The following IFNLR1 variants were observed in gnomAD, a reference collection of about 807,000 sequenced individuals.
IFNLR1 encodes interferon lambda receptor 1.
Under a neutral mutation model 52.5 loss-of-function variants are expected in IFNLR1, and 28 were observed. That is an observed-to-expected ratio of 0.53 (90% CI 0.40 to 0.73). IFNLR1 has a LOEUF of 0.73. Ranked by LOEUF, IFNLR1 falls within the 30% of genes least tolerant of loss-of-function variation. IFNLR1 has a pLI of 0.00. For missense variants in IFNLR1, 623 were observed against 659.1 expected (o/e 0.95, Z 0.60); for synonymous variants, 276 against 274.9 (o/e 1.00, Z -0.04).
At chr1:24,172,845 C>G (rs1423519624) in intron 2 of IFNLR1, among the ~76,000 whole-genome samples, 1 of 152,174 alleles carries the variant, frequency 6.6e-6, no homozygotes, top group African/African-American at 2.4e-5. Context: ...AGGCCTCTCT[C>G]CTTGGCTTGC....
intron 2 of IFNLR1, 55 bp downstream of exon 2, chr1:24,180,676 G>GCCCCCCCCCCC: frequency 1.3e-5 from 6 of 455,866 alleles, no homozygotes; most frequent in South Asian, 3.6e-5. Flanking sequence ...AGCCCCTCCA[G>GCCCCCCCCCCC]CCCCCACCCA....
At chr1:24,159,745 T>G (rs1343684551) in intron 4 of IFNLR1, 112 bp from the exon 5 acceptor site, 12 of 949,180 alleles carry the variant, frequency 1.3e-5, no homozygotes, top group African/African-American at 1.7e-5. Flanking sequence ...TTGTTTTTTT[T>G]TTTTGTTTTT....
At chr1:24,186,069 G>A (rs979966933) in intron 1 of IFNLR1, among the ~76,000 whole-genome samples, 4 of 152,172 alleles carry the variant, frequency 2.6e-5, no homozygotes, top group Non-Finnish European at 5.9e-5. Flanking sequence ...TCAGGTGAAA[G>A]TACAAGAAGG....
chr1:24,178,055 G>T (rs904202156), intron 2 of IFNLR1, among the ~76,000 whole-genome samples: 1 of 152,116 alleles, frequency 6.6e-6, no homozygotes, highest in Admixed American at 6.5e-5. Flanking sequence ...GAGGCCGAGG[G>T]GGGCAGATCA....
At position 24,180,713 on chromosome 1, in the gene IFNLR1, C is replaced by T. The variant is rs962042880; in HGVS notation, c.182+18G>A. 1.8e-5 allele frequency: 29 copies of T among 1,602,518 alleles called. No individual in the cohort carries two copies. Among genetic ancestry groups the T allele is most frequent in the South Asian group, 8.9e-5 (8 of 89,756 alleles). On this transcript the variant is annotated intron_variant, in intron 2 of 6. Transcript: ENST00000327535. ...CCCCTCAGTCTTCCCATCCACCAGC[C>T]GAGAGAGTCCCCTCTACCTCTGATA...
intron 3 of IFNLR1, among the ~76,000 whole-genome samples, chr1:24,162,271 G>A (rs368438274): frequency 1.3e-5 from 2 of 152,142 alleles, no homozygotes; most frequent in South Asian, 4.1e-4. Flanking sequence ...GAGCCTCTCA[G>A]CTCCGGAAGG....
chr1:24,187,091 C>T, intron 1 of IFNLR1, 100 bp downstream of exon 1: 2 of 738,046 alleles, frequency 2.7e-6, no homozygotes, highest in South Asian at 2.8e-5. Context: ...CGGGTGGCTG[C>T]GGACCCCGTG....
chr1:24,184,741 G>A (rs973560332), intron 1 of IFNLR1, among the ~76,000 whole-genome samples: 16 of 152,174 alleles, frequency 1.1e-4, no homozygotes, highest in South Asian at 4.2e-4. Context: ...AGCTAAGGCC[G>A]GGCATGGTAA....
Position 24,187,173 on chromosome 1 carries a change from G to A in IFNLR1, c.58+18C>T. 1 of 1,358,172 alleles carries A rather than the reference G, an allele frequency of 7.4e-7. No homozygotes were observed. Among genetic ancestry groups the A allele is most frequent in the Non-Finnish European group, 9.5e-7 (1 of 1,050,566 alleles). 84.1% of individuals were successfully genotyped at this position (1,358,172 alleles called of 1,614,324 possible). ...GGGAGCCCTCTTCCCCCTCCCTCCC[G>A]CGGCCCCGCGCCCTTACCTGGAGCG... is the stretch of plus-strand genomic sequence containing the variant. On this transcript the variant is annotated intron_variant, in intron 1 of 6. Coordinates refer to ENST00000327535, the MANE Select transcript of IFNLR1 (RefSeq NM_170743.4).
Position 24,157,726 on chromosome 1 carries a change from C to A in IFNLR1, c.967G>T (p.Ala323Ser), listed in dbSNP as rs1334526685. 1 of 1,614,198 alleles carries A rather than the reference C, an allele frequency of 6.2e-7. No individual in the cohort carries two copies. Among genetic ancestry groups the A allele is most frequent in the African/African-American group, 1.3e-5 (1 of 75,068 alleles). ...TQQTRWKKDL[A>S]EDEEEEDEED... ...TCATCCTCCTCCTCTTCGTCCTCTG[C>A]AAGGTCCTTCTTCCATCTTGTCTGT... The change falls in exon 7 of 7, where the codon GCA (alanine) becomes TCA (serine). Residue 323 changes from alanine (A) to serine (S), a missense_variant. Ala to Ser is a moderately conservative substitution (Grantham distance 99). Transcript: ENST00000327535. The surrounding 1 kb of genome is among the most constrained non-coding windows in gnomAD (Gnocchi z 5.1).
intron 2 of IFNLR1, among the ~76,000 whole-genome samples, chr1:24,177,564 C>G (rs72650415): frequency 0.097 from 14,793 of 152,228 alleles, 2,001 homozygotes; most frequent in African/African-American, 0.3. Context: ...TTCCAGCCAG[C>G]CTGGCAGCCA....
intron 3 of IFNLR1, among the ~76,000 whole-genome samples, chr1:24,161,938 C>T (rs577824866): frequency 6.6e-6 from 1 of 152,324 alleles, no homozygotes; most frequent in Non-Finnish European, 1.5e-5. Context: ...CATTGCTGAC[C>T]TGCCTTCTCT....
intron 2 of IFNLR1, among the ~76,000 whole-genome samples, chr1:24,178,289 A>G (rs1644655435): frequency 6.6e-6 from 1 of 152,124 alleles, no homozygotes; most frequent in African/African-American, 2.4e-5. Context: ...TGTCTAAAAA[A>G]AAAAAGTATG....
Position 24,177,724 on chromosome 1 carries a change from G to T in IFNLR1, c.182+3007C>A, listed in dbSNP as rs569325632. On this transcript the variant is annotated intron_variant, in intron 2 of 6. Coordinates refer to ENST00000327535, the MANE Select transcript of IFNLR1 (RefSeq NM_170743.4). ...TCTAGGCATCCTTCAACCCAATTAA[G>T]TTGACACCTAATATTGACCATCACA... Among the ~76,000 whole-genome samples the T allele has an allele frequency of 6.3e-4, 96 of 152,304 alleles. 1 individual carries two copies. The highest frequency in any genetic ancestry group is 2.2e-3 in the African/African-American group (90 of 41,552).
intron 2 of IFNLR1, among the ~76,000 whole-genome samples, chr1:24,177,704 G>C (rs921786213): frequency 6.6e-6 from 1 of 152,136 alleles, no homozygotes; most frequent in Non-Finnish European, 1.5e-5. Context: ...AGCCATCTAG[G>C]CATCCTTCAA....
At chr1:24,180,681 C>CCCCCCCCCCCCCACTCAT in intron 2 of IFNLR1, 50 bp downstream of exon 2, 1 of 1,201,982 alleles carries the variant, frequency 8.3e-7, no homozygotes, top group Non-Finnish European at 1.2e-6. Context: ...CTCCAGCCCC[C>CCCCCCCCCCCCCACTCAT]ACCCACCCCC....
Position 24,180,653 on chromosome 1 carries a change from G to A in IFNLR1, c.182+78C>T, listed in dbSNP as rs575101594. ...GCCAGTGCTGCCCACACTGGGTGCA[G>A]CTGTCCCAGAGAAGCCCCTCCAGCC... On this transcript the variant is annotated intron_variant, in intron 2 of 6. Coordinates refer to ENST00000327535, the MANE Select transcript of IFNLR1 (RefSeq NM_170743.4). 58 of 1,412,692 alleles carry A rather than the reference G, an allele frequency of 4.1e-5. No individual in the cohort carries two copies. In the Admixed American group the frequency reaches 8.5e-4, roughly 21 times the overall value. The allele number at this position is 1,412,692 out of a possible 1,614,324, so 87.5% of individuals were successfully genotyped here.
chr1:24,182,920 A>G (rs1644705688), intron 1 of IFNLR1, among the ~76,000 whole-genome samples: 1 of 150,726 alleles, frequency 6.6e-6, no homozygotes. Context: ...CTCCATCTCA[A>G]ATAAATAAAT....
chr1:24,169,341 A>G, intron 3 of IFNLR1, 76 bp downstream of exon 3: 4 of 1,368,316 alleles, frequency 2.9e-6, no homozygotes, highest in Non-Finnish European at 3.0e-6. Context: ...TCAGGAGAAC[A>G]GAACCACTGA....
Sources: allele counts gnomAD v4.1 joint callset (sites outside exome capture counted in the v4.1 genomes callset), GRCh38; gene constraint gnomAD v4.1.1; non-coding constraint Gnocchi (gnomAD v3.1); transcripts MANE v1.5; gene names NCBI Gene and HGNC (gene_info 2026-07-23, HGNC 2026-07-21).